Variants in SLCO1B1 observed in about 807,000 individuals in gnomAD.
SLCO1B1 encodes the protein solute carrier organic anion transporter family member 1B1, also known as OATP-2.
A neutral mutation model predicts 70.1 loss-of-function variants in SLCO1B1; 81 were observed. The ratio of observed to expected loss-of-function variants is 1.16; its 90% CI spans 0.97 to 1.39. SLCO1B1 has a LOEUF of 1.39. Among genes scored for constraint, SLCO1B1 ranks in the 40% most tolerant of loss-of-function variants. SLCO1B1 has a pLI of 0.00. For synonymous variants in SLCO1B1, 283 were observed against 271.5 expected (o/e 1.04, Z -0.42); for missense variants, 895 against 799.6 (o/e 1.12, Z -1.44).
intron 7 of SLCO1B1, among the ~76,000 whole-genome samples, chr12:21,192,571 TC>T (rs1227137194): frequency 1.3e-5 from 2 of 151,884 alleles, no homozygotes; most frequent in Admixed American, 1.3e-4. Flanking sequence ...TGTTTTTTTT[TC>T]CATATTCTTT....
chr12:21,186,923 G>T, intron 7 of SLCO1B1, among the ~76,000 whole-genome samples: 1 of 152,064 alleles, frequency 6.6e-6, no homozygotes, highest in East Asian at 1.9e-4. Context: ...TGCAAGCAAA[G>T]GATGGTTTGA....
intron 2 of SLCO1B1, among the ~76,000 whole-genome samples, chr12:21,172,338 G>T (rs1381593811): frequency 6.6e-6 from 1 of 152,112 alleles, no homozygotes; most frequent in Non-Finnish European, 1.5e-5. Context: ...CACCATCATG[G>T]CCATCTGAGA....
At chr12:21,194,289 T>TA (rs1941066801) in intron 7 of SLCO1B1, among the ~76,000 whole-genome samples, 1 of 152,210 alleles carries the variant, frequency 6.6e-6, no homozygotes. Context: ...AGTGCTGGGA[T>TA]GACAGGCGTG....
At chr12:21,194,742 C>T (rs911363093) in intron 7 of SLCO1B1, among the ~76,000 whole-genome samples, 1 of 152,176 alleles carries the variant, frequency 6.6e-6, no homozygotes, top group Non-Finnish European at 1.5e-5. Context: ...CTGTGTTAGG[C>T]CATTCTGGCA....
At chr12:21,177,235 A>G (rs1389947860) in intron 5 of SLCO1B1, among the ~76,000 whole-genome samples, 1 of 152,164 alleles carries the variant, frequency 6.6e-6, no homozygotes, top group Non-Finnish European at 1.5e-5. Context: ...GCAGCCCTGT[A>G]ACAAATTCCT....
intron 7 of SLCO1B1, among the ~76,000 whole-genome samples, chr12:21,186,925 A>T (rs1217719988): frequency 6.6e-6 from 1 of 152,148 alleles, no homozygotes; most frequent in Non-Finnish European, 1.5e-5. Context: ...CAAGCAAAGG[A>T]TGGTTTGATA....
intron 8 of SLCO1B1, 79 bp from the exon 9 acceptor site, chr12:21,200,429 A>G: frequency 1.1e-6 from 1 of 898,602 alleles, no homozygotes; most frequent in South Asian, 2.0e-5. Context: ...ATCTTACATG[A>G]CTTACGTTCA....
At chr12:21,170,714 T>C (rs1940746980) in intron 2 of SLCO1B1, among the ~76,000 whole-genome samples, 1 of 152,250 alleles carries the variant, frequency 6.6e-6, no homozygotes, top group Admixed American at 6.5e-5. Flanking sequence ...GATAACTTTT[T>C]ACATTTTATT....
At chr12:21,160,106 T>TAA (rs56102570) in intron 2 of SLCO1B1, among the ~76,000 whole-genome samples, 19,222 of 111,636 alleles carry the variant, frequency 0.17, 1,752 homozygotes, top group Middle Eastern at 0.27. Context: ...TTCACAGAAC[T>TAA]AAAAAAAAAA....
Position 21,190,679 on chromosome 12 carries a change from C to T in SLCO1B1, c.728-6267C>T, listed in dbSNP as rs74064185. Among the ~76,000 whole-genome samples the T allele has an allele frequency of 8.9e-3, 1,357 of 152,186 alleles. 20 individuals carry two copies. The highest frequency in any genetic ancestry group is 0.031 in the African/African-American group (1,284 of 41,520). ...TATCCCTCAGTCCCCTTCCATCTTTCCCCTTCTGAGCCTCCTAAATCCACC... is the reference window on the plus strand; with the variant it reads ...TATCCCTCAGTCCCCTTCCATCTTTTCCCTTCTGAGCCTCCTAAATCCACC... On this transcript the variant is annotated intron_variant, in intron 7 of 14. Transcript: ENST00000256958.
At chr12:21,191,986 C>T (rs2121131065) in intron 7 of SLCO1B1, among the ~76,000 whole-genome samples, 5 of 151,936 alleles carry the variant, frequency 3.3e-5, no homozygotes, top group Admixed American at 3.3e-4. Flanking sequence ...GTGTAGTATC[C>T]TTTTTATATG....
In SLCO1B1 at chr12:21,141,558, A is replaced by G; in HGVS notation, c.-17A>G. 1 of 1,522,354 alleles carries G rather than the reference A, an allele frequency of 6.6e-7. No homozygotes were observed. The highest frequency in any genetic ancestry group is 1.7e-5 in the Admixed American group (1 of 59,714). 94.3% of individuals were successfully genotyped at this position (1,522,354 alleles called of 1,614,324 possible). Reference sequence around the variant, plus strand: ...CATCAACAACAAAAACATTTGTATGATATCTATATTTCAATCATGGACCAA... The same window carrying G: ...CATCAACAACAAAAACATTTGTATGGTATCTATATTTCAATCATGGACCAA... On this transcript the variant is annotated 5_prime_UTR_variant, in exon 2 of 15. Transcript: ENST00000256958.
At chr12:21,187,163 G>T (rs1360066312) in intron 7 of SLCO1B1, among the ~76,000 whole-genome samples, 7 of 152,084 alleles carry the variant, frequency 4.6e-5, no homozygotes, top group African/African-American at 1.7e-4. Context: ...AGGATTTAAG[G>T]CAGGAAGGGA....
At chr12:21,134,891 G>T (rs1481515598) in intron 1 of SLCO1B1, among the ~76,000 whole-genome samples, 1 of 152,022 alleles carries the variant, frequency 6.6e-6, no homozygotes, top group Non-Finnish European at 1.5e-5. Flanking sequence ...GAATGTGTTT[G>T]CTCTTGCTTT....
At chr12:21,197,339 A>G (rs1281765742) in intron 8 of SLCO1B1, 151 bp downstream of exon 8, 11 of 788,584 alleles carry the variant, frequency 1.4e-5, no homozygotes, top group Non-Finnish European at 2.2e-5. Flanking sequence ...TAAAACTCCT[A>G]TTAAAGTTAA....
Position 21,172,521 on chromosome 12 carries a change from A to G in SLCO1B1, c.85-129A>G, listed in dbSNP as rs1591808009. 3.2e-5 allele frequency: 33 copies of G among 1,043,818 alleles called. No homozygotes were observed. The East Asian group carries it at 8.1e-4, about 26-fold the overall frequency. 64.7% of individuals were successfully genotyped at this position (1,043,818 alleles called of 1,614,324 possible). ...GTAGTACCTGGTAAAAGGGAAAACT[A>G]AGTATGGTTTTTAAGATACAAATAA... On this transcript the variant is annotated intron_variant, in intron 2 of 14. Transcript: ENST00000256958.
intron 1 of SLCO1B1, among the ~76,000 whole-genome samples, chr12:21,133,538 G>T (rs1298092927): frequency 6.6e-6 from 1 of 152,020 alleles, no homozygotes; most frequent in Non-Finnish European, 1.5e-5. Flanking sequence ...TCCTTGAAGA[G>T]GTCCTTCACA....
chr12:21,149,203 A>G (rs1301827309), intron 2 of SLCO1B1, among the ~76,000 whole-genome samples: 1 of 152,048 alleles, frequency 6.6e-6, no homozygotes, highest in Admixed American at 6.6e-5. Flanking sequence ...TTCTTATTTG[A>G]GTATCTTTTA....
intron 1 of SLCO1B1, among the ~76,000 whole-genome samples, chr12:21,140,627 G>A (rs1436356394): frequency 6.6e-6 from 1 of 151,806 alleles, no homozygotes; most frequent in Admixed American, 6.6e-5. Flanking sequence ...AGAACCAGTT[G>A]CATATATTAT....
Sources: gnomAD v4.1 joint callset for allele counts (sites outside exome capture counted in the v4.1 genomes callset) on GRCh38, gnomAD v4.1.1 for gene constraint, MANE v1.5 for transcripts, NCBI Gene and HGNC (gene_info 2026-07-23, HGNC 2026-07-21) for gene names.